The following RBFOX1 variants were observed in gnomAD, a reference collection of about 807,000 sequenced individuals.
RBFOX1 encodes the protein RNA binding fox-1 homolog 1.
Under a neutral mutation model 57.7 loss-of-function variants are expected in RBFOX1, and 8 were observed. The ratio of observed to expected loss-of-function variants is 0.14; its 90% confidence interval spans 0.08 to 0.25. The LOEUF is 0.25. RBFOX1 is among the 10% of genes least tolerant of loss of function. RBFOX1 has a pLI of 1.00. For missense variants in RBFOX1, 611 were observed against 548.5 expected, an observed-to-expected ratio of 1.11 and a Z score of -1.14; for synonymous variants, 326 against 222.4, an observed-to-expected ratio of 1.47 and a Z score of -4.15.
intron 2 of RBFOX1, among the ~76,000 whole-genome samples, chr16:6,566,848 A>G (rs535424070): frequency 2.6e-5 from 4 of 152,320 alleles, no homozygotes; most frequent in East Asian, 1.9e-4. Context: ...ACTGTTTGAT[A>G]TTGAGATGCT....
rs57736862 is a variant in RBFOX1 at position 5,856,284 on chromosome 16, TACACACACACAC to T, written c.319-11003_319-10992del. Among the ~76,000 whole-genome samples, 111 of 86,310 alleles carry T rather than the reference TACACACACACAC, an allele frequency of 1.3e-3. 3 individuals are homozygous for T. Among genetic ancestry groups the T allele is most frequent in the African/African-American group, 4.7e-3 (100 of 21,092 alleles). 56.6% of individuals were successfully genotyped at this position (86,310 alleles called of 152,430 possible). A position where few individuals can be genotyped will look rare whatever the true frequency, so the allele number is the denominator to read the frequency against. ...ATGTATATATATATACACATATATA[TACACACACACAC>T]ACACACACACACACATATATATAGG... On this transcript the variant is annotated intron_variant, in intron 3 of 19. Transcript: ENST00000641259.
chr16:5,565,973 G>A (rs1422480977), intron 2 of RBFOX1, among the ~76,000 whole-genome samples: 2 of 152,138 alleles, frequency 1.3e-5, no homozygotes, highest in African/African-American at 4.8e-5. Flanking sequence ...TGTTCTCATG[G>A]TAGTGAATAA....
At chr16:7,215,861 A>T (rs952602883) in intron 4 of RBFOX1, among the ~76,000 whole-genome samples, 3 of 151,408 alleles carry the variant, frequency 2.0e-5, no homozygotes, top group Admixed American at 2.0e-4. Flanking sequence ...ATTAGCTGGG[A>T]CTACAGGCGT....
chr16:6,616,666 C>G (rs375502363), intron 2 of RBFOX1, among the ~76,000 whole-genome samples: 2 of 152,324 alleles, frequency 1.3e-5, no homozygotes, highest in East Asian at 1.9e-4. Flanking sequence ...CAGAGCAAGA[C>G]TCAGGTGATC....
intron 3 of RBFOX1, among the ~76,000 whole-genome samples, chr16:6,914,665 C>T (rs538409914): frequency 4.6e-5 from 7 of 152,118 alleles, no homozygotes; most frequent in African/African-American, 9.7e-5. Flanking sequence ...CTTGAGGCCA[C>T]GAGTTCAAGA....
At chr16:6,088,970 C>T (rs1321062508) in intron 1 of RBFOX1, among the ~76,000 whole-genome samples, 1 of 151,718 alleles carries the variant, frequency 6.6e-6, no homozygotes, top group Admixed American at 6.6e-5. Flanking sequence ...GTGGCGCATG[C>T]CTGTAATCCC....
At chr16:5,370,578 T>C (rs1162541606) in intron 1 of RBFOX1, among the ~76,000 whole-genome samples, 1 of 151,974 alleles carries the variant, frequency 6.6e-6, no homozygotes, top group Non-Finnish European at 1.5e-5. Flanking sequence ...GCGTAGCCTC[T>C]AATTCCTGGC....
chr16:7,668,422 G>A (rs932157774), intron 13 of RBFOX1, among the ~76,000 whole-genome samples: 13 of 152,170 alleles, frequency 8.5e-5, no homozygotes, highest in African/African-American at 3.1e-4. Context: ...GTTATGAAAT[G>A]CTGTGAGCCA....
At chr16:6,976,297 G>T (rs1469285732) in intron 3 of RBFOX1, among the ~76,000 whole-genome samples, 1 of 152,134 alleles carries the variant, frequency 6.6e-6, no homozygotes, top group East Asian at 1.9e-4. Context: ...TTTGAACACA[G>T]GCATTCTGGC....
chr16:5,454,733 T>C (rs1342731929), intron 1 of RBFOX1, among the ~76,000 whole-genome samples: 4 of 145,976 alleles, frequency 2.7e-5, no homozygotes, highest in African/African-American at 1.1e-4. Flanking sequence ...ATCTCTCTCT[T>C]TCTTTCTTTC....
chr16:6,973,099 C>G (rs557369569), intron 3 of RBFOX1, among the ~76,000 whole-genome samples: 2 of 152,014 alleles, frequency 1.3e-5, no homozygotes, highest in East Asian at 1.9e-4. Flanking sequence ...CTACTGCACT[C>G]CAGCCTGGGT....
At chr16:6,809,317 C>A (rs1186339321) in intron 3 of RBFOX1, among the ~76,000 whole-genome samples, 3 of 152,244 alleles carry the variant, frequency 2.0e-5, no homozygotes, top group African/African-American at 7.2e-5. Context: ...TTTTCTTTAA[C>A]CAGAGGGAAG....
chr16:7,177,749 C>G (rs1280754846), intron 4 of RBFOX1, among the ~76,000 whole-genome samples: 1 of 152,128 alleles, frequency 6.6e-6, no homozygotes, highest in East Asian at 1.9e-4. Context: ...TTTTGCAGGT[C>G]TTTTGGTCTC....
intron 4 of RBFOX1, among the ~76,000 whole-genome samples, chr16:7,427,352 C>T (rs962084708): frequency 2.2e-4 from 34 of 152,102 alleles, no homozygotes; most frequent in Non-Finnish European, 4.4e-4. Flanking sequence ...TAACAAATTT[C>T]CAAGAGATGC....
chr16:7,335,875 C>T (rs550356857), intron 4 of RBFOX1, among the ~76,000 whole-genome samples: 46 of 152,112 alleles, frequency 3.0e-4, no homozygotes, highest in Non-Finnish European at 5.7e-4. Context: ...GTTTTTCCCT[C>T]CAGCCAGGTA....
At chr16:7,132,303 A>T (rs140398022) in intron 4 of RBFOX1, among the ~76,000 whole-genome samples, 7 of 152,122 alleles carry the variant, frequency 4.6e-5, no homozygotes, top group Non-Finnish European at 7.4e-5. Context: ...CATCATTGCA[A>T]TGTTCTTTAT....
chr16:5,906,619 C>T (rs2058462665), intron 4 of RBFOX1, among the ~76,000 whole-genome samples: 1 of 151,814 alleles, frequency 6.6e-6, no homozygotes, highest in African/African-American at 2.4e-5. Flanking sequence ...GGGAGTGCTC[C>T]TGGACTGGGA....
At chr16:6,248,807 C>A (rs1439770149) in intron 1 of RBFOX1, among the ~76,000 whole-genome samples, 1 of 152,114 alleles carries the variant, frequency 6.6e-6, no homozygotes, top group East Asian at 1.9e-4. Flanking sequence ...TGTCTGTCTT[C>A]GCATCCATAG....
chr16:7,464,663 C>T lies in RBFOX1; in HGVS notation c.28-53484C>T, dbSNP rs559043555. On this transcript the variant is annotated intron_variant, in intron 4 of 15. Coordinates refer to ENST00000550418, the MANE Select transcript of RBFOX1 (RefSeq NM_018723.4). ...TTTTAATTGGATCCCCCCTCCCCGC[C>T]CGAAATACTTCTTGTATTGTCTGTC... Among the ~76,000 whole-genome samples the T allele has an allele frequency of 2.0e-5, 3 of 150,892 alleles. No individual in the cohort carries two copies. The South Asian group carries it at 6.3e-4, about 32-fold the overall frequency.
Sources: allele counts gnomAD v4.1 joint callset (sites outside exome capture counted in the v4.1 genomes callset), GRCh38; gene constraint gnomAD v4.1.1; transcripts MANE v1.5; gene names NCBI Gene and HGNC (gene_info 2026-07-23, HGNC 2026-07-21).